TMEM131L: variants seen among roughly 807,000 people sequenced by gnomAD.
TMEM131L encodes the protein transmembrane protein 131-like.
A neutral mutation model predicts 192.2 loss-of-function variants in TMEM131L; 54 were observed. That is an observed-to-expected ratio of 0.28 (90% confidence interval 0.23 to 0.35). TMEM131L has a LOEUF of 0.35. Among genes scored for constraint, TMEM131L ranks in the 10% least tolerant of loss-of-function variants. The pLI is 1.00. For missense variants in TMEM131L, 1,888 were observed against 1,972.9 expected (o/e 0.96, Z 0.82); for synonymous variants, 701 against 704.9 (o/e 0.99, Z 0.09).
At chr4:153,473,590 G>A (rs768026378) in intron 2 of TMEM131L, among the ~76,000 whole-genome samples, 83 of 152,168 alleles carry the variant, frequency 5.5e-4, no homozygotes, top group Non-Finnish European at 1.1e-3. Flanking sequence ...TCAGGAGTTT[G>A]AGAACAGCCT....
intron 3 of TMEM131L, among the ~76,000 whole-genome samples, chr4:153,509,047 C>T (rs1023308906): frequency 1.3e-5 from 2 of 151,958 alleles, no homozygotes; most frequent in Non-Finnish European, 2.9e-5. Flanking sequence ...TTGTAAATAA[C>T]ACATCTTAAA....
intron 3 of TMEM131L, among the ~76,000 whole-genome samples, chr4:153,517,835 A>G (rs1448845526): frequency 6.6e-5 from 10 of 152,186 alleles, no homozygotes; most frequent in East Asian, 3.8e-4. Flanking sequence ...GGATAACCCA[A>G]TGGTGGTAGT....
intron 3 of TMEM131L, among the ~76,000 whole-genome samples, chr4:153,515,469 A>G (rs143989684): frequency 6.6e-6 from 1 of 152,218 alleles, no homozygotes; most frequent in Non-Finnish European, 1.5e-5. Context: ...GATAGATCAC[A>G]TTTTATTCAT....
At chr4:153,627,820 C>A in intron 31 of TMEM131L, 133 bp downstream of exon 31, 1 of 679,140 alleles carries the variant, frequency 1.5e-6, no homozygotes, top group Non-Finnish European at 2.5e-6. Flanking sequence ...CTTCTGCAAG[C>A]CACACGTTCA....
intron 3 of TMEM131L, among the ~76,000 whole-genome samples, chr4:153,505,539 G>C (rs1733929927): frequency 6.6e-6 from 1 of 152,124 alleles, no homozygotes; most frequent in African/African-American, 2.4e-5. Flanking sequence ...ATGGGATGAG[G>C]ACTTGCAGAT....
Position 153,596,350 on chromosome 4 carries a change from T to C in TMEM131L, c.2088T>C (p.Ala696=). The C allele has an allele frequency of 1.2e-6, 2 of 1,614,008 alleles. No individual in the cohort carries two copies. The highest frequency in any genetic ancestry group is 8.5e-7 in the Non-Finnish European group (1 of 1,179,870). The change falls in exon 20 of 35, where the codon GCT becomes GCC. Residue 696 remains alanine (A), a synonymous_variant. Transcript: ENST00000409959. ...MKRVGVVFTP[A]DYGKVTSLIL... ...GGGTTGGCGTAGTTTTCACACCTGC[T>C]GACTATGGAAAAGTTACCTCACTCA...
In TMEM131L at chr4:153,626,178, T is replaced by G. The variant is rs1733830221; in HGVS notation, c.4077T>G (p.Ser1359=). ...GDSVSQNDFP[S]EAPISLNLSH... ...GTGTTTCACAAAATGATTTTCCTTC[T>G]GAAGCTCCCATCTCCTTGAATCTTT... Residue 1359 remains serine, a synonymous_variant, in exon 30 of 35, where the codon TCT becomes TCG. Coordinates refer to ENST00000409959, the MANE Select transcript of TMEM131L (RefSeq NM_001131007.2). 1.2e-6 allele frequency: 2 copies of G among 1,612,654 alleles called. No homozygotes were observed. The highest frequency in any genetic ancestry group is 1.7e-6 in the Non-Finnish European group (2 of 1,178,878).
At chr4:153,535,582 C>T (rs1047359593) in intron 3 of TMEM131L, among the ~76,000 whole-genome samples, 1 of 151,994 alleles carries the variant, frequency 6.6e-6, no homozygotes, top group African/African-American at 2.4e-5. Flanking sequence ...TAAAAGCTAA[C>T]TTTTGTTAGC....
chr4:153,486,319 A>G (rs1239198932), intron 3 of TMEM131L, among the ~76,000 whole-genome samples: 1 of 152,246 alleles, frequency 6.6e-6, no homozygotes, highest in East Asian at 1.9e-4. Flanking sequence ...TAAATCTGAA[A>G]TATTGGGATT....
intron 7 of TMEM131L, among the ~76,000 whole-genome samples, chr4:153,574,836 C>G (rs1729827973): frequency 6.6e-6 from 1 of 152,202 alleles, no homozygotes; most frequent in African/African-American, 2.4e-5. Context: ...GATCCGCCCT[C>G]CTTGGCCTCC....
At chr4:153,634,570 T>C (rs371793959) in intron 33 of TMEM131L, among the ~76,000 whole-genome samples, 1 of 152,348 alleles carries the variant, frequency 6.6e-6, no homozygotes, top group East Asian at 1.9e-4. Context: ...TCCATGTAGA[T>C]GTAACATTGT....
chr4:153,560,848 T>G (rs1205752433), intron 7 of TMEM131L, among the ~76,000 whole-genome samples: 1 of 152,246 alleles, frequency 6.6e-6, no homozygotes, highest in Non-Finnish European at 1.5e-5. Flanking sequence ...GACATTCTTG[T>G]GTAAGTTTGG....
At chr4:153,598,302 A>G (rs1007854991) in intron 20 of TMEM131L, among the ~76,000 whole-genome samples, 3 of 151,894 alleles carry the variant, frequency 2.0e-5, no homozygotes, top group Non-Finnish European at 4.4e-5. Context: ...AGAAAAATAT[A>G]TGAGGCTACA....
intron 29 of TMEM131L, among the ~76,000 whole-genome samples, chr4:153,624,132 T>A (rs1004432769): frequency 8.0e-5 from 12 of 150,646 alleles, no homozygotes; most frequent in African/African-American, 2.7e-4. Context: ...TTATTTATTT[T>A]TTTTTTGAGA....
At chr4:153,538,851 G>C (rs1458777957) in intron 3 of TMEM131L, among the ~76,000 whole-genome samples, 2 of 152,204 alleles carry the variant, frequency 1.3e-5, no homozygotes, top group Non-Finnish European at 2.9e-5. Flanking sequence ...CAGGGTACTG[G>C]GATCTCCTAC....
In TMEM131L at chr4:153,535,173, C is replaced by T. The variant is rs975471891; in HGVS notation, c.240-14900C>T. On this transcript the variant is annotated intron_variant, in intron 3 of 34. Transcript: ENST00000409959. ...GTGAAAGCGGAGCTCATGGGATTTC[C>T]GATGGATGGGATGCGGGGTGTGAGA... Among the ~76,000 whole-genome samples the T allele has an allele frequency of 3.3e-5, 5 of 152,168 alleles. No homozygotes were observed. In the South Asian group the frequency reaches 8.3e-4, roughly 25 times the overall value.
At chr4:153,573,776 G>A (rs1316078642) in intron 7 of TMEM131L, among the ~76,000 whole-genome samples, 2 of 152,098 alleles carry the variant, frequency 1.3e-5, no homozygotes, top group Non-Finnish European at 2.9e-5. Flanking sequence ...AGAACTTGAA[G>A]TGTTTTAGGG....
intron 3 of TMEM131L, among the ~76,000 whole-genome samples, chr4:153,510,904 A>C (rs1411894705): frequency 6.6e-6 from 1 of 151,896 alleles, no homozygotes; most frequent in Non-Finnish European, 1.5e-5. Context: ...AAAACAAGAA[A>C]AGAAAAAAAC....
At chr4:153,488,717 G>A (rs138935871) in intron 3 of TMEM131L, among the ~76,000 whole-genome samples, 1 of 152,314 alleles carries the variant, frequency 6.6e-6, no homozygotes, top group East Asian at 1.9e-4. Flanking sequence ...CAAACTGCGC[G>A]GCTTTAGAAC....
Sources: gnomAD v4.1 joint callset for allele counts (sites outside exome capture counted in the v4.1 genomes callset) on GRCh38, gnomAD v4.1.1 for gene constraint, MANE v1.5 for transcripts, NCBI Gene and HGNC (gene_info 2026-07-23, HGNC 2026-07-21) for gene names.